OGDH: variants seen among roughly 807,000 people sequenced by gnomAD.
The protein encoded by OGDH is oxoglutarate dehydrogenase, also known as 2-oxoglutarate dehydrogenase complex component E1.
In OGDH, 38 loss-of-function variants were observed where a neutral mutation model predicts 116.6. The ratio of observed to expected loss-of-function variants is 0.33; its 90% CI spans 0.25 to 0.43. OGDH has a LOEUF of 0.43. Ranked by LOEUF, OGDH falls within the 20% of genes least tolerant of loss-of-function variation. OGDH has a pLI of 1.00. For missense variants in OGDH, 825 were observed against 1,357.2 expected, an observed-to-expected ratio of 0.61 and a Z score of 6.16; for synonymous variants, 488 against 533.3, an observed-to-expected ratio of 0.92 and a Z score of 1.17.
At chr7:44,647,185 A>G (rs143849891) in intron 3 of OGDH, among the ~76,000 whole-genome samples, 1 of 152,382 alleles carries the variant, frequency 6.6e-6, no homozygotes, top group Non-Finnish European at 1.5e-5. Flanking sequence ...GAAACTGTAT[A>G]AAGATCACAA....
intron 4 of OGDH, among the ~76,000 whole-genome samples, chr7:44,662,610 G>A (rs577544414): frequency 2.2e-4 from 34 of 151,798 alleles, no homozygotes; most frequent in Non-Finnish European, 4.6e-4. Context: ...TTACAGGCAC[G>A]CACCACCACG....
At chr7:44,650,688 A>G (rs1353357897) in intron 4 of OGDH, among the ~76,000 whole-genome samples, 1 of 152,218 alleles carries the variant, frequency 6.6e-6, no homozygotes, top group Non-Finnish European at 1.5e-5. Context: ...GCAGCGTAGC[A>G]TCTAGTGCAG....
chr7:44,638,164 T>C (rs1047000490), intron 2 of OGDH, among the ~76,000 whole-genome samples: 1 of 151,398 alleles, frequency 6.6e-6, no homozygotes, highest in Non-Finnish European at 1.5e-5. Flanking sequence ...GGGACAGATA[T>C]TTTCCTTACG....
chr7:44,691,291 A>G (rs1341470206), intron 10 of OGDH, among the ~76,000 whole-genome samples: 1 of 152,190 alleles, frequency 6.6e-6, no homozygotes, highest in African/African-American at 2.4e-5. Context: ...TGGGAGGCCA[A>G]GGCAAGAGGA....
chr7:44,663,775 A>G (rs531976754), intron 4 of OGDH, among the ~76,000 whole-genome samples: 2 of 152,138 alleles, frequency 1.3e-5, no homozygotes, highest in Admixed American at 6.5e-5. Context: ...TGCTATCTCA[A>G]AAAAAATTAC....
At chr7:44,678,007 G>T (rs1197897582) in intron 9 of OGDH, among the ~76,000 whole-genome samples, 1 of 152,094 alleles carries the variant, frequency 6.6e-6, no homozygotes, top group Non-Finnish European at 1.5e-5. Context: ...AGGTAATGGA[G>T]CCTGGGCTGG....
intron 2 of OGDH, among the ~76,000 whole-genome samples, chr7:44,634,770 G>T (rs1785590691): frequency 6.6e-6 from 1 of 152,170 alleles, no homozygotes; most frequent in African/African-American, 2.4e-5. Flanking sequence ...TGGTACTCTG[G>T]CCTGGGCAAG....
intron 5 of OGDH, 122 bp from the exon 6 acceptor site, chr7:44,673,665 A>G (rs3735474): frequency 0.14 from 126,728 of 924,766 alleles, 17,797 homozygotes; most frequent in African/African-American, 0.55. Context: ...ACTTGATTGG[A>G]GTACATTTCA....
chr7:44,687,477 A>G (rs1294809008), intron 10 of OGDH, among the ~76,000 whole-genome samples: 1 of 151,270 alleles, frequency 6.6e-6, no homozygotes, highest in Non-Finnish European at 1.5e-5. Flanking sequence ...GTGCAGGGGC[A>G]CAATCTAGAC....
intron 18 of OGDH, among the ~76,000 whole-genome samples, chr7:44,699,452 CAAAG>C (rs937144030): frequency 2.8e-5 from 4 of 142,210 alleles, no homozygotes; most frequent in African/African-American, 7.9e-5. Flanking sequence ...AAAAAAAACT[CAAAG>C]AAAATGATTA....
chr7:44,706,679 T>C (rs902834911), intron 20 of OGDH, among the ~76,000 whole-genome samples: 2 of 143,186 alleles, frequency 1.4e-5, no homozygotes, highest in African/African-American at 5.5e-5. Context: ...CAGACTGTAG[T>C]GCATGATCTC....
At chr7:44,686,046 C>CTTTTTTTTTTTTTTTTTTTTTTTTTTTTT (rs947000633) in intron 10 of OGDH, among the ~76,000 whole-genome samples, 1 of 144,836 alleles carries the variant, frequency 6.9e-6, no homozygotes, top group African/African-American at 2.5e-5. Context: ...TTCTTTCTTT[C>CTTTTTTTTTTTTTTTTTTTTTTTTTTTTT]TTTTTTTTTT....
At chr7:44,683,496 A>G (rs930549585) in intron 10 of OGDH, among the ~76,000 whole-genome samples, 1 of 152,072 alleles carries the variant, frequency 6.6e-6, no homozygotes, top group Non-Finnish European at 1.5e-5. Flanking sequence ...CTCCCAAAGC[A>G]CTGGGATTGT....
intron 1 of OGDH, among the ~76,000 whole-genome samples, chr7:44,623,274 C>G (rs6463240): frequency 0.53 from 80,516 of 151,928 alleles, 21,476 homozygotes; most frequent in East Asian, 0.72. Flanking sequence ...CTTTTGTCTT[C>G]AGGCACACCC....
In OGDH at chr7:44,624,559, A is replaced by C. The variant is rs1785129205; in HGVS notation, c.216A>C (p.Val72=). Residue 72 remains valine (V), a synonymous_variant, in exon 2 of 23, where the codon GTA becomes GTC. Transcript: ENST00000222673. ...YCAWLENPKS[V]HKSWDIFFRN... ...CTTGGCTGGAAAACCCCAAAAGTGT[A>C]CATAAGGTAAGGCTCGCAGGGCTGT... 1 of 1,613,264 alleles carries C rather than the reference A, an allele frequency of 6.2e-7. No individual in the cohort carries two copies. Among genetic ancestry groups the C allele is most frequent in the African/African-American group, 1.3e-5 (1 of 74,866 alleles).
intron 5 of OGDH, among the ~76,000 whole-genome samples, chr7:44,670,753 G>T (rs1435425804): frequency 6.6e-6 from 1 of 152,140 alleles, no homozygotes; most frequent in Non-Finnish European, 1.5e-5. Flanking sequence ...GCTCAAGCCT[G>T]TAATCCCAGC....
At chr7:44,639,837 A>G (rs931825766) in intron 2 of OGDH, among the ~76,000 whole-genome samples, 4 of 152,248 alleles carry the variant, frequency 2.6e-5, no homozygotes. Context: ...GAAAGGCTGC[A>G]GAAGTTGCAT....
intron 14 of OGDH, 75 bp from the exon 15 acceptor site, chr7:44,696,834 TTGCCA>T (rs1347876771): frequency 1.0e-5 from 15 of 1,479,120 alleles, no homozygotes; most frequent in Non-Finnish European, 8.2e-6. Flanking sequence ...GGCTCCGCTC[TTGCCA>T]TGGGCACGCT....
chr7:44,649,605 G>A (rs1786345431), intron 4 of OGDH, among the ~76,000 whole-genome samples: 1 of 152,074 alleles, frequency 6.6e-6, no homozygotes, highest in Admixed American at 6.6e-5. Context: ...AACCTGCATT[G>A]TCCCAGCTCT....
Sources: gnomAD v4.1 joint callset for allele counts (sites outside exome capture counted in the v4.1 genomes callset) on GRCh38, gnomAD v4.1.1 for gene constraint, MANE v1.5 for transcripts, NCBI Gene and HGNC (gene_info 2026-07-23, HGNC 2026-07-21) for gene names.